Variants in OR2C1 observed in about 807,000 individuals in gnomAD.
OR2C1 encodes olfactory receptor family 2 subfamily C member 1, also known as olfactory receptor 2C1.
For synonymous variants in OR2C1, 209 were observed against 167.3 expected (o/e 1.25, Z -1.92); for missense variants, 468 against 388.3 (o/e 1.21, Z -1.73).
upstream of OR2C1, among the ~76,000 whole-genome samples, chr16:3,351,298 G>A (rs1292416213): frequency 1.4e-5 from 2 of 147,762 alleles, no homozygotes; most frequent in East Asian, 2.0e-4. Flanking sequence ...CATGATTTCG[G>A]CTTACCACGG....
chr16:3,342,732 C>T, the OR2C1 span, among the ~76,000 whole-genome samples: 1 of 152,030 alleles, frequency 6.6e-6, no homozygotes, highest in Non-Finnish European at 1.5e-5. Context: ...TCAAAAATTA[C>T]CAGGCGCAGT....
At chr16:3,348,252 A>C in the OR2C1 span, among the ~76,000 whole-genome samples, 1 of 152,236 alleles carries the variant, frequency 6.6e-6, no homozygotes, top group African/African-American at 2.4e-5. Flanking sequence ...AATAAAATAT[A>C]GTATTTAAGA....
the OR2C1 span, among the ~76,000 whole-genome samples, chr16:3,336,270 CT>C: frequency 6.6e-6 from 1 of 152,106 alleles, no homozygotes. Flanking sequence ...GGTGAACGAT[CT>C]TTTTAATGTG....
upstream of OR2C1, among the ~76,000 whole-genome samples, chr16:3,351,212 T>C (rs1042437112): frequency 1.1e-4 from 1 of 9,136 alleles, no homozygotes; most frequent in Non-Finnish European, 2.5e-4. Context: ...TTTTCTTTTT[T>C]TCTTTTTCTT....
At chr16:3,357,837 C>T (rs1348018537), downstream of OR2C1, among the ~76,000 whole-genome samples, 1 of 152,024 alleles carries the variant, frequency 6.6e-6, no homozygotes. Context: ...CAAAATTAGC[C>T]TTGCATCGTG....
the OR2C1 span, among the ~76,000 whole-genome samples, chr16:3,340,925 G>A: frequency 2.7e-5 from 4 of 150,764 alleles, no homozygotes; most frequent in African/African-American, 9.7e-5. Context: ...GATTCTTTTG[G>A]CTAATCAGGG....
At chr16:3,342,187 G>GT in the OR2C1 span, among the ~76,000 whole-genome samples, 3 of 152,120 alleles carry the variant, frequency 2.0e-5, no homozygotes, top group African/African-American at 7.2e-5. Context: ...GGGGGCAGAA[G>GT]TTGCTGTGAG....
the OR2C1 span, among the ~76,000 whole-genome samples, chr16:3,328,723 A>G: frequency 6.6e-6 from 1 of 152,196 alleles, no homozygotes; most frequent in Non-Finnish European, 1.5e-5. Context: ...AATCAGAAGC[A>G]TACCACGTTA....
At chr16:3,330,788 G>C in the OR2C1 span, among the ~76,000 whole-genome samples, 1 of 151,926 alleles carries the variant, frequency 6.6e-6, no homozygotes, top group Non-Finnish European at 1.5e-5. Context: ...TGTAGCCCAG[G>C]CTGCATGCAG....
Position 3,356,193 on chromosome 16 carries a change from T to A in OR2C1, c.253T>A (p.Leu85Ile), listed in dbSNP as rs2030667565. The change falls in exon 1 of 1, where the codon TTA (leucine) becomes ATA (isoleucine). Residue 85 changes from leucine (L) to isoleucine (I), a missense_variant. Leu to Ile is a conservative substitution (Grantham distance 5). Coordinates refer to ENST00000304936, the MANE Select transcript of OR2C1 (RefSeq NM_012368.3). ...TSSVPQMLIN[L>I]WGPGKTISYG... ...TTCAGTCCCCCAAATGCTGATCAAT[T>A]TATGGGGACCAGGCAAGACCATCAG... 1.2e-6 allele frequency: 2 copies of A among 1,614,040 alleles called. No homozygotes were observed. Among genetic ancestry groups the A allele is most frequent in the Non-Finnish European group, 8.5e-7 (1 of 1,180,036 alleles).
At chr16:3,336,228 T>G in the OR2C1 span, among the ~76,000 whole-genome samples, 1 of 152,240 alleles carries the variant, frequency 6.6e-6, no homozygotes, top group Non-Finnish European at 1.5e-5. Context: ...GTTTATTGAT[T>G]TGTATCCCTG....
the OR2C1 span, chr16:3,324,035 CTGAA>C: frequency 2.4e-6 from 1 of 416,742 alleles, no homozygotes; most frequent in African/African-American, 2.1e-5. Flanking sequence ...GTACAATCAA[CTGAA>C]TGATTTCAAA....
the OR2C1 span, among the ~76,000 whole-genome samples, chr16:3,344,630 G>A: frequency 6.6e-6 from 1 of 152,194 alleles, no homozygotes; most frequent in Non-Finnish European, 1.5e-5. Context: ...GGGAGGCTGA[G>A]GCAGGAGAAT....
chr16:3,327,581 G>A, the OR2C1 span, among the ~76,000 whole-genome samples: 28 of 151,210 alleles, frequency 1.9e-4, no homozygotes, highest in African/African-American at 2.4e-4. Context: ...CAGATGCCTC[G>A]TAATGAGAGT....
the OR2C1 span, among the ~76,000 whole-genome samples, chr16:3,327,520 C>T: frequency 6.6e-6 from 1 of 151,856 alleles, no homozygotes; most frequent in East Asian, 1.9e-4. Context: ...TGTAAGAAGA[C>T]CCTCTTGACC....
the OR2C1 span, among the ~76,000 whole-genome samples, chr16:3,342,437 G>T: frequency 6.6e-6 from 1 of 152,148 alleles, no homozygotes; most frequent in Non-Finnish European, 1.5e-5. Context: ...TTGCAAATGG[G>T]CCGGGTGCAA....
In OR2C1 at chr16:3,356,200, G is replaced by T. The variant is rs2030668008; in HGVS notation, c.260G>T (p.Gly87Val). Residue 87 changes from glycine to valine, a missense_variant, in exon 1 of 1, where the codon GGA (glycine) becomes GTA (valine). Gly to Val is a moderately radical substitution (Grantham distance 109). Coordinates refer to ENST00000304936, the MANE Select transcript of OR2C1 (RefSeq NM_012368.3). ...CCCCAAATGCTGATCAATTTATGGG[G>T]ACCAGGCAAGACCATCAGCTATGGT... Reference protein sequence around the residue: ...SVPQMLINLWGPGKTISYGGC... With the variant: ...SVPQMLINLWVPGKTISYGGC... 6.2e-7 allele frequency: 1 copy of T among 1,614,034 alleles called. No homozygotes were observed. The highest frequency in any genetic ancestry group is 8.5e-7 in the Non-Finnish European group (1 of 1,180,044).
chr16:3,329,234 A>G, the OR2C1 span, among the ~76,000 whole-genome samples: 1 of 143,524 alleles, frequency 7.0e-6, no homozygotes. Flanking sequence ...TGGAGCGGGA[A>G]GAAGAAATGG....
upstream of OR2C1, among the ~76,000 whole-genome samples, chr16:3,355,001 G>A (rs1012401955): frequency 4.6e-5 from 7 of 152,018 alleles, no homozygotes; most frequent in East Asian, 5.8e-4. Context: ...TCTCTATCCC[G>A]TCATAGCCAT....
Sources: gnomAD v4.1 joint callset for allele counts (sites outside exome capture counted in the v4.1 genomes callset) on GRCh38, gnomAD v4.1.1 for gene constraint, MANE v1.5 for transcripts, NCBI Gene and HGNC (gene_info 2026-07-23, HGNC 2026-07-21) for gene names.